Variants in TANGO6 observed in about 807,000 individuals in gnomAD.
The protein encoded by TANGO6 is transport and Golgi organization protein 6 homolog.
In TANGO6, 90 loss-of-function variants were observed where a neutral mutation model predicts 114.2. The ratio of observed to expected loss-of-function variants is 0.79; its 90% confidence interval spans 0.66 to 0.94. The LOEUF is 0.94. TANGO6 is among the 40% of genes least tolerant of loss of function. The pLI is 0.00. For synonymous variants in TANGO6, 477 were observed against 509.8 expected (o/e 0.94, Z 0.87); for missense variants, 1,274 against 1,315.3 (o/e 0.97, Z 0.49).
chr16:69,032,468 A>G (rs898892225), intron 16 of TANGO6, among the ~76,000 whole-genome samples: 2 of 151,750 alleles, frequency 1.3e-5, no homozygotes, highest in Non-Finnish European at 2.9e-5. Context: ...GGATTTCACC[A>G]TGTTGCTCAG....
intron 15 of TANGO6, among the ~76,000 whole-genome samples, chr16:68,983,890 A>C (rs1963866087): frequency 6.6e-6 from 1 of 152,024 alleles, no homozygotes; most frequent in South Asian, 2.1e-4. Flanking sequence ...AAAATTAGCC[A>C]GTCGTGTTGG....
chr16:69,036,148 A>T (rs1448053255), intron 16 of TANGO6: 1 of 151,902 alleles, frequency 6.6e-6, no homozygotes, highest in African/African-American at 2.4e-5. Flanking sequence ...AGGCTTTTAG[A>T]GGTAGAACTC....
intron 4 of TANGO6, among the ~76,000 whole-genome samples, chr16:68,870,482 A>C (rs927090734): frequency 2.6e-5 from 4 of 152,176 alleles, no homozygotes; most frequent in African/African-American, 9.7e-5. Flanking sequence ...TGTCCCTTAC[A>C]AACAGGTCTT....
chr16:68,894,969 G>T (rs953391159), intron 7 of TANGO6, among the ~76,000 whole-genome samples: 1 of 152,030 alleles, frequency 6.6e-6, no homozygotes, highest in Non-Finnish European at 1.5e-5. Context: ...GACAGATCTG[G>T]GTTTATCCTG....
chr16:68,893,433 C>T lies in TANGO6; in HGVS notation c.1378-7001C>T, dbSNP rs867959606. On this transcript the variant is annotated intron_variant, in intron 7 of 17. Coordinates refer to ENST00000261778, the MANE Select transcript of TANGO6 (RefSeq NM_024562.2). ...ATATGCTTCTTAGGAACATCTTTAT[C>T]GTAGGTAGAAATCATACATGAAGTG... Among the ~76,000 whole-genome samples the T allele has an allele frequency of 4.6e-5, 7 of 152,078 alleles. No individual in the cohort carries two copies. In the South Asian group the frequency reaches 1.5e-3, roughly 32 times the overall value.
At chr16:68,914,944 C>G (rs1962977468) in intron 11 of TANGO6, among the ~76,000 whole-genome samples, 1 of 140,086 alleles carries the variant, frequency 7.1e-6, no homozygotes, top group South Asian at 2.3e-4. Context: ...GATCATACTA[C>G]TTGTTTTGAT....
At chr16:68,901,648 C>G (rs1962787027) in intron 8 of TANGO6, among the ~76,000 whole-genome samples, 3 of 152,208 alleles carry the variant, frequency 2.0e-5, no homozygotes, top group East Asian at 3.9e-4. Flanking sequence ...TCCACCATGC[C>G]CGGCTAATTT....
intron 13 of TANGO6, among the ~76,000 whole-genome samples, chr16:68,928,298 A>ATTTTTTTTTT (rs10701295): frequency 6.1e-5 from 6 of 98,570 alleles, no homozygotes; most frequent in East Asian, 3.1e-4. Context: ...CTGAGTGCCA[A>ATTTTTTTTTT]TTTTTTTTTT....
rs561686187 is a variant in TANGO6, at chr16:68,914,385, C to T, written c.1993-4700C>T. On this transcript the variant is annotated intron_variant, in intron 11 of 17. Coordinates refer to ENST00000261778, the MANE Select transcript of TANGO6 (RefSeq NM_024562.2). ...CCATGCTGGTCAGGCTGGTCTCAAACTCCCGACCTCAGGTGATCTGCCTGC... is the reference window on the plus strand; with the variant it reads ...CCATGCTGGTCAGGCTGGTCTCAAATTCCCGACCTCAGGTGATCTGCCTGC... Among the ~76,000 whole-genome samples, 3 of 152,306 alleles carry T rather than the reference C, an allele frequency of 2.0e-5. No homozygotes were observed. In the East Asian group the frequency reaches 5.8e-4, roughly 29 times the overall value.
intron 17 of TANGO6, among the ~76,000 whole-genome samples, chr16:69,081,576 A>AATG (rs1960466117): frequency 1.3e-5 from 2 of 151,656 alleles, no homozygotes. Flanking sequence ...CCTGACCTCA[A>AATG]ATGATCCACC....
chr16:68,859,052 T>C lies in TANGO6; in HGVS notation c.95-832T>C, dbSNP rs1053003694. ...GAAATAGATATCTGTTGAAAATACA[T>C]ATTCTGGGGGGAAACGATGTGGTTA... On this transcript the variant is annotated intron_variant, in intron 1 of 17. Coordinates refer to ENST00000261778, the MANE Select transcript of TANGO6 (RefSeq NM_024562.2). Among the ~76,000 whole-genome samples the C allele has an allele frequency of 3.9e-5, 6 of 152,328 alleles. 1 individual carries two copies. In the Middle Eastern group the frequency reaches 0.02, roughly 518 times the overall value.
chr16:68,923,158 A>T (rs1963120580), intron 12 of TANGO6, among the ~76,000 whole-genome samples: 1 of 148,110 alleles, frequency 6.8e-6, no homozygotes, highest in Admixed American at 6.8e-5. Flanking sequence ...GGGTTTCTCC[A>T]TGTCGGTCAG....
intron 14 of TANGO6, among the ~76,000 whole-genome samples, chr16:68,952,679 AC>A (rs1963481930): frequency 6.6e-6 from 1 of 152,158 alleles, no homozygotes; most frequent in South Asian, 2.1e-4. Context: ...AGTTTGGGCA[AC>A]ACATTTTTAG....
intron 12 of TANGO6, among the ~76,000 whole-genome samples, chr16:68,921,867 G>A (rs1412301020): frequency 6.6e-6 from 1 of 152,000 alleles, no homozygotes; most frequent in African/African-American, 2.4e-5. Flanking sequence ...TTTGCAGTTA[G>A]TTAAGTGAAC....
chr16:69,048,123 C>T (rs1283802051), intron 17 of TANGO6, among the ~76,000 whole-genome samples: 11 of 151,946 alleles, frequency 7.2e-5, no homozygotes, highest in Admixed American at 7.2e-4. Context: ...TGCTCTGTCA[C>T]CCACGCTGGA....
chr16:68,917,963 A>C (rs1215347577), intron 11 of TANGO6, among the ~76,000 whole-genome samples: 1 of 145,448 alleles, frequency 6.9e-6, no homozygotes, highest in Non-Finnish European at 1.5e-5. Flanking sequence ...TCCGTTGCCC[A>C]GGCTGGAGTG....
At chr16:68,845,105 T>A (rs1447513382) in intron 1 of TANGO6, among the ~76,000 whole-genome samples, 1 of 151,924 alleles carries the variant, frequency 6.6e-6, no homozygotes, top group Non-Finnish European at 1.5e-5. Flanking sequence ...GTAGCTGGGA[T>A]TACAGGTGCA....
chr16:68,847,342 G>GCAA (rs1410739098), intron 1 of TANGO6, among the ~76,000 whole-genome samples: 36 of 152,234 alleles, frequency 2.4e-4, no homozygotes, highest in African/African-American at 8.2e-4. Flanking sequence ...AGAGGGTCTT[G>GCAA]GGAACCCCCG....
intron 14 of TANGO6, among the ~76,000 whole-genome samples, chr16:68,933,170 T>G (rs932562063): frequency 1.3e-5 from 2 of 151,988 alleles, no homozygotes; most frequent in African/African-American, 4.8e-5. Flanking sequence ...ATCCCAGCAC[T>G]TTGGGAGGCC....
Sources: allele counts gnomAD v4.1 joint callset (sites outside exome capture counted in the v4.1 genomes callset), GRCh38; gene constraint gnomAD v4.1.1; transcripts MANE v1.5; gene names NCBI Gene and HGNC (gene_info 2026-07-23, HGNC 2026-07-21).